The following RAD51B variants were observed in gnomAD, a reference collection of about 807,000 sequenced individuals.
RAD51B encodes DNA repair protein RAD51 homolog 2.
In RAD51B, 38 loss-of-function variants were observed where a neutral mutation model predicts 42.2. The ratio of observed to expected loss-of-function variants is 0.90; its 90% CI spans 0.70 to 1.18. The LOEUF is 1.18. Among genes scored for constraint, RAD51B ranks in the 50% most tolerant of loss-of-function variants. RAD51B has a pLI of 0.00. For synonymous variants in RAD51B, 154 were observed against 145.2 expected (o/e 1.06, Z -0.43); for missense variants, 373 against 400.7 (o/e 0.93, Z 0.59).
chr14:68,042,154 A>G (rs1222971448), intron 7 of RAD51B, among the ~76,000 whole-genome samples: 2 of 152,166 alleles, frequency 1.3e-5, no homozygotes, highest in Non-Finnish European at 2.9e-5. Flanking sequence ...GTTTCTAAAC[A>G]CTGCACCTGG....
chr14:68,452,564 A>G (rs1428295028), intron 9 of RAD51B, among the ~76,000 whole-genome samples: 1 of 152,216 alleles, frequency 6.6e-6, no homozygotes, highest in Non-Finnish European at 1.5e-5. Context: ...GAAGTTGTAC[A>G]TTAGCCTTGC....
At chr14:68,083,012 A>G (rs886243209) in intron 7 of RAD51B, among the ~76,000 whole-genome samples, 1 of 152,188 alleles carries the variant, frequency 6.6e-6, no homozygotes, top group African/African-American at 2.4e-5. Flanking sequence ...TATATGCTGG[A>G]TCACAACTCT....
At chr14:68,072,781 A>G (rs1401244373) in intron 7 of RAD51B, among the ~76,000 whole-genome samples, 1 of 152,034 alleles carries the variant, frequency 6.6e-6, no homozygotes, top group African/African-American at 2.4e-5. Flanking sequence ...CCTTAATTTC[A>G]TTGTTTACCC....
At chr14:68,086,638 A>C (rs2076990093) in intron 7 of RAD51B, among the ~76,000 whole-genome samples, 1 of 152,138 alleles carries the variant, frequency 6.6e-6, no homozygotes, top group African/African-American at 2.4e-5. Flanking sequence ...GGTTGATACG[A>C]GAGTGGAGAA....
rs546797093 is a variant in RAD51B at position 68,079,793 on chromosome 14, A to C, written c.756+192589A>C. On this transcript the variant is annotated intron_variant, in intron 7 of 10. Coordinates refer to ENST00000471583, the MANE Select transcript of RAD51B (RefSeq NM_133510.4). ...TATTTTAAAACTAATTTCATTCATC[A>C]CCATCTGTTTTCAAGAAAGATTTAA... Among the ~76,000 whole-genome samples the C allele has an allele frequency of 7.9e-5, 12 of 152,294 alleles. No individual in the cohort carries two copies. In the South Asian group the frequency reaches 2.5e-3, roughly 32 times the overall value.
chr14:68,623,509 G>A (rs1248866819), intron 10 of RAD51B, among the ~76,000 whole-genome samples: 1 of 152,228 alleles, frequency 6.6e-6, no homozygotes, highest in East Asian at 1.9e-4. Context: ...GCAGATGGGG[G>A]CTGAAATTCA....
intron 7 of RAD51B, among the ~76,000 whole-genome samples, chr14:68,220,714 G>A (rs1177138298): frequency 1.3e-5 from 2 of 152,116 alleles, no homozygotes; most frequent in African/African-American, 4.8e-5. Flanking sequence ...AACCCAAAAA[G>A]ACTCATCCAA....
intron 8 of RAD51B, among the ~76,000 whole-genome samples, chr14:68,395,357 T>C (rs2140028661): frequency 6.6e-6 from 1 of 152,266 alleles, no homozygotes; most frequent in South Asian, 2.1e-4. Flanking sequence ...CTTTTAAAGT[T>C]TGTGATTGTC....
chr14:68,535,261 G>A (rs1214471997), intron 10 of RAD51B, among the ~76,000 whole-genome samples: 2 of 152,134 alleles, frequency 1.3e-5, no homozygotes, highest in African/African-American at 2.4e-5. Flanking sequence ...GATTTCAAAA[G>A]TTAGTCTAAA....
At chr14:68,308,489 C>A (rs906341656) in intron 8 of RAD51B, among the ~76,000 whole-genome samples, 1 of 151,988 alleles carries the variant, frequency 6.6e-6, no homozygotes, top group African/African-American at 2.4e-5. Context: ...TAATAAAAGG[C>A]CCTACAAGCA....
intron 8 of RAD51B, among the ~76,000 whole-genome samples, chr14:68,358,803 G>A (rs1301593561): frequency 6.6e-6 from 1 of 152,180 alleles, no homozygotes. Flanking sequence ...CACACAATGT[G>A]TGATGGTAAA....
chr14:68,307,681 C>T (rs2081895143), intron 8 of RAD51B, among the ~76,000 whole-genome samples: 1 of 152,300 alleles, frequency 6.6e-6, no homozygotes, highest in African/African-American at 2.4e-5. Context: ...AATTTAAAAG[C>T]AAAGGTTATG....
chr14:67,840,499 A>G (rs969883040), intron 4 of RAD51B, among the ~76,000 whole-genome samples: 16 of 152,190 alleles, frequency 1.1e-4, no homozygotes, highest in African/African-American at 1.4e-4. Context: ...TCCATGGTAT[A>G]TATTTACCAC....
intron 10 of RAD51B, chr14:68,540,642 C>G (rs1887914979): frequency 1.0e-6 from 1 of 985,258 alleles, no homozygotes; most frequent in Non-Finnish European, 1.2e-6. Flanking sequence ...CCTGGGGAGA[C>G]CTGAAACAAT....
At chr14:68,235,214 C>T (rs1037671748) in intron 7 of RAD51B, among the ~76,000 whole-genome samples, 15 of 151,956 alleles carry the variant, frequency 9.9e-5, no homozygotes, top group Non-Finnish European at 1.5e-4. Context: ...TCACCACAAC[C>T]ACGTGAGTAA....
intron 7 of RAD51B, among the ~76,000 whole-genome samples, chr14:68,242,291 G>A (rs2080405546): frequency 1.3e-5 from 2 of 152,182 alleles, no homozygotes; most frequent in African/African-American, 4.8e-5. Context: ...CCTACCCAGG[G>A]AGTGGTTGGA....
At chr14:67,922,659 G>T (rs933475379) in intron 7 of RAD51B, among the ~76,000 whole-genome samples, 9 of 149,516 alleles carry the variant, frequency 6.0e-5, no homozygotes, top group Non-Finnish European at 1.0e-4. Flanking sequence ...CATCACCCAA[G>T]CAGTGTACAC....
downstream of RAD51B, among the ~76,000 whole-genome samples, chr14:68,599,121 C>T (rs1401416573): frequency 6.6e-6 from 1 of 152,156 alleles, no homozygotes; most frequent in Non-Finnish European, 1.5e-5. Context: ...CGGTGCTGAC[C>T]GTCGGACATC....
intron 7 of RAD51B, among the ~76,000 whole-genome samples, chr14:68,088,169 A>G (rs978733785): frequency 6.6e-6 from 1 of 150,800 alleles, no homozygotes; most frequent in African/African-American, 2.4e-5. Flanking sequence ...AAGAGCTATT[A>G]TTGGTGATGT....
Sources: gnomAD v4.1 joint callset for allele counts (sites outside exome capture counted in the v4.1 genomes callset) on GRCh38, gnomAD v4.1.1 for gene constraint, MANE v1.5 for transcripts, NCBI Gene and HGNC (gene_info 2026-07-23, HGNC 2026-07-21) for gene names.